MALRD1: variants seen among roughly 807,000 people sequenced by gnomAD.
The protein encoded by MALRD1 is MAM and LDL receptor class A domain containing 1.
In MALRD1, 247 loss-of-function variants were observed where a neutral mutation model predicts 242.1. That is an observed-to-expected ratio of 1.02 (90% CI 0.92 to 1.13). MALRD1 has a LOEUF of 1.13. MALRD1 is among the 50% of genes most tolerant of loss of function. The pLI is 0.00. For synonymous variants in MALRD1, 995 were observed against 866.6 expected (o/e 1.15, Z -2.60); for missense variants, 2,989 against 2,533.1 (o/e 1.18, Z -3.86).
At chr10:19,271,585 A>G (rs1303968118) in intron 19 of MALRD1, among the ~76,000 whole-genome samples, 1 of 152,130 alleles carries the variant, frequency 6.6e-6, no homozygotes, top group Non-Finnish European at 1.5e-5. Flanking sequence ...AACACGGTGA[A>G]ACCCCGTCTC....
intron 12 of MALRD1, among the ~76,000 whole-genome samples, chr10:19,163,804 T>C (rs1834551298): frequency 6.6e-6 from 1 of 152,322 alleles, no homozygotes; most frequent in Admixed American, 6.5e-5. Context: ...TAATGCAAAT[T>C]CTATAGAAAA....
intron 18 of MALRD1, among the ~76,000 whole-genome samples, chr10:19,255,401 G>A (rs151304154): frequency 1.5e-3 from 230 of 151,874 alleles, no homozygotes; most frequent in African/African-American, 5.2e-3. Context: ...TCATAATAGA[G>A]GCATTTGGGT....
intron 18 of MALRD1, among the ~76,000 whole-genome samples, chr10:19,211,651 A>G (rs973759232): frequency 1.3e-4 from 16 of 124,722 alleles, no homozygotes; most frequent in African/African-American, 2.2e-4. Flanking sequence ...GCGCTACTGT[A>G]CTCCAGCCTG....
At chr10:19,355,742 G>A (rs1036162572) in intron 26 of MALRD1, among the ~76,000 whole-genome samples, 1 of 149,762 alleles carries the variant, frequency 6.7e-6, no homozygotes, top group East Asian at 1.9e-4. Flanking sequence ...GCTAAACTTG[G>A]TTTAGAGACT....
In MALRD1 at chr10:19,048,821, A is replaced by G; in HGVS notation, c.-118A>G. The G allele has an allele frequency of 1.4e-6, 1 of 717,312 alleles. No homozygotes were observed. 44.4% of individuals were successfully genotyped at this position (717,312 alleles called of 1,614,324 possible). ...TTGTTAGAGTTGCAGATAGTTACCA[A>G]TAGTATCCAGTTATAAGAAGCAAAT... On this transcript the variant is annotated 5_prime_UTR_variant, in exon 1 of 40. Transcript: ENST00000454679.
At chr10:19,506,508 A>G (rs1264899299) in intron 31 of MALRD1, among the ~76,000 whole-genome samples, 2 of 152,272 alleles carry the variant, frequency 1.3e-5, no homozygotes, top group African/African-American at 2.4e-5. Context: ...GTGAGCATCA[A>G]TTATTCATAT....
chr10:19,444,427 GT>G (rs547868248), intron 28 of MALRD1, among the ~76,000 whole-genome samples: 2 of 152,204 alleles, frequency 1.3e-5, no homozygotes, highest in African/African-American at 4.8e-5. Flanking sequence ...AATTTGGCAT[GT>G]TTTTGCAGTG....
At chr10:19,168,280 T>C (rs1044573754) in intron 13 of MALRD1, among the ~76,000 whole-genome samples, 1 of 152,214 alleles carries the variant, frequency 6.6e-6, no homozygotes, top group Non-Finnish European at 1.5e-5. Context: ...TTGGTGTCAA[T>C]CTCCATTGCA....
At chr10:19,387,874 C>A in intron 27 of MALRD1, 101 bp downstream of exon 27, 13 of 1,373,108 alleles carry the variant, frequency 9.5e-6, no homozygotes, top group Non-Finnish European at 1.2e-5. Flanking sequence ...GAGACCACCA[C>A]GATGGTATTG....
At chr10:19,626,653 A>G (rs890118190) in intron 36 of MALRD1, among the ~76,000 whole-genome samples, 9 of 152,148 alleles carry the variant, frequency 5.9e-5, no homozygotes, top group African/African-American at 2.2e-4. Flanking sequence ...ACTGAATAGT[A>G]CATGCACATC....
intron 36 of MALRD1, 150 bp downstream of exon 36, chr10:19,616,073 A>G (rs1020698024): frequency 1.1e-5 from 6 of 556,082 alleles, no homozygotes; most frequent in East Asian, 2.9e-5. Context: ...TATCTGTCTG[A>G]ATAAGGTAAA....
intron 26 of MALRD1, among the ~76,000 whole-genome samples, chr10:19,356,310 A>G (rs1591345): frequency 0.72 from 108,757 of 151,824 alleles, 39,109 homozygotes; most frequent in Non-Finnish European, 0.74. Context: ...AAGTGGGAAT[A>G]GTGGTATCTT....
At chr10:19,400,282 G>T (rs569809594) in intron 28 of MALRD1, among the ~76,000 whole-genome samples, 3 of 152,214 alleles carry the variant, frequency 2.0e-5, no homozygotes, top group South Asian at 2.1e-4. Context: ...TTCCTGAAAA[G>T]GTAGTTTATA....
chr10:19,487,350 C>T (rs1837279043), intron 29 of MALRD1, among the ~76,000 whole-genome samples: 1 of 101,172 alleles, frequency 9.9e-6, no homozygotes, highest in African/African-American at 4.2e-5. Flanking sequence ...ATACGTGAGG[C>T]TGTTTTTTAT....
chr10:19,165,936 G>T, intron 13 of MALRD1, 126 bp downstream of exon 13: 1 of 615,752 alleles, frequency 1.6e-6, no homozygotes, highest in Non-Finnish European at 2.3e-6. Flanking sequence ...TTAATACAAT[G>T]CAACAGAAGA....
chr10:19,542,535 T>A (rs1404335972), intron 32 of MALRD1, among the ~76,000 whole-genome samples: 1 of 151,366 alleles, frequency 6.6e-6, no homozygotes, highest in African/African-American at 2.4e-5. Flanking sequence ...TCTCCTGATG[T>A]TTTTTTTCCA....
intron 36 of MALRD1, among the ~76,000 whole-genome samples, chr10:19,642,232 G>C (rs1372821618): frequency 6.6e-6 from 1 of 152,038 alleles, no homozygotes; most frequent in Non-Finnish European, 1.5e-5. Context: ...AATGAATCTT[G>C]GTAGTTAATT....
chr10:19,405,535 C>T (rs761154982), intron 28 of MALRD1, among the ~76,000 whole-genome samples: 2 of 152,084 alleles, frequency 1.3e-5, no homozygotes, highest in Non-Finnish European at 2.9e-5. Context: ...GGAGGAAAAC[C>T]ACATCTCTCT....
At chr10:19,117,281 A>G (rs998924602) in intron 5 of MALRD1, among the ~76,000 whole-genome samples, 9 of 152,168 alleles carry the variant, frequency 5.9e-5, no homozygotes, top group African/African-American at 1.7e-4. Context: ...ATACTTACTC[A>G]TATACCACTG....
Sources: allele counts gnomAD v4.1 joint callset (sites outside exome capture counted in the v4.1 genomes callset), GRCh38; gene constraint gnomAD v4.1.1; transcripts MANE v1.5; gene names NCBI Gene and HGNC (gene_info 2026-07-23, HGNC 2026-07-21).